Variants in MGAT4C observed in about 807,000 individuals in gnomAD.
The protein encoded by MGAT4C is MGAT4 family member C.
Under a neutral mutation model 40.1 loss-of-function variants are expected in MGAT4C, and 19 were observed. That is an observed-to-expected ratio of 0.47 (90% CI 0.33 to 0.70). MGAT4C has a LOEUF of 0.70. Ranked by LOEUF, MGAT4C falls within the 30% of genes least tolerant of loss-of-function variation. MGAT4C has a pLI of 0.02. For missense variants in MGAT4C, 491 were observed against 563.2 expected (o/e 0.87, Z 1.30); for synonymous variants, 181 against 187.1 (o/e 0.97, Z 0.27).
At chr12:86,126,966 T>C (rs1256552403) in intron 1 of MGAT4C, among the ~76,000 whole-genome samples, 1 of 152,170 alleles carries the variant, frequency 6.6e-6, no homozygotes, top group Non-Finnish European at 1.5e-5. Context: ...AGTAGATTCT[T>C]ACATGGAACA....
In MGAT4C at chr12:85,970,504, T is replaced by C. The variant is rs1000104821; in HGVS notation, c.*8785A>G. 5 of 151,362 alleles carry C rather than the reference T, an allele frequency of 3.3e-5. No homozygotes were observed. Among genetic ancestry groups the C allele is most frequent in the Admixed American group, 3.3e-4 (5 of 15,166 alleles). The allele number at this position is 151,362 out of a possible 1,614,324, so 9.4% of individuals were successfully genotyped here. ...TAACTTAAAACTTGTGAATGTTTAG[T>C]GTTATCCAGCTATAATTCTTCTAAA... On this transcript the variant is annotated 3_prime_UTR_variant, in exon 5 of 5. Coordinates refer to ENST00000611864, the MANE Select transcript of MGAT4C (RefSeq NM_001351288.2).
chr12:86,421,911 C>G (rs1487150631), intron 3 of MGAT4C, among the ~76,000 whole-genome samples: 1 of 152,148 alleles, frequency 6.6e-6, no homozygotes, highest in African/African-American at 2.4e-5. Context: ...GAAGTATAAG[C>G]AGAAATTGTA....
intron 1 of MGAT4C, among the ~76,000 whole-genome samples, chr12:86,826,012 C>T (rs1593242875): frequency 1.3e-5 from 2 of 151,320 alleles, no homozygotes; most frequent in Admixed American, 1.3e-4. Flanking sequence ...GGGGTGACAC[C>T]AGAGTACTAG....
chr12:86,526,638 C>T (rs1958888145), intron 2 of MGAT4C, among the ~76,000 whole-genome samples: 1 of 152,120 alleles, frequency 6.6e-6, no homozygotes, highest in African/African-American at 2.4e-5. Flanking sequence ...GCTAACTGAC[C>T]TCACCTATGG....
At chr12:86,219,422 A>G (rs562418724) in intron 1 of MGAT4C, among the ~76,000 whole-genome samples, 190 of 152,196 alleles carry the variant, frequency 1.2e-3, no homozygotes, top group Middle Eastern at 3.2e-3. Context: ...CATAATCCTG[A>G]GAAGACAATA....
chr12:86,187,840 T>C (rs1888943998), intron 1 of MGAT4C, among the ~76,000 whole-genome samples: 1 of 152,050 alleles, frequency 6.6e-6, no homozygotes, highest in Non-Finnish European at 1.5e-5. Context: ...CTAAAAATAT[T>C]TCATACAAAT....
chr12:86,323,051 C>T (rs1954434711), intron 4 of MGAT4C, among the ~76,000 whole-genome samples: 1 of 151,174 alleles, frequency 6.6e-6, no homozygotes, highest in Non-Finnish European at 1.5e-5. Context: ...AACTCTGCAA[C>T]ACATGAGGTT....
chr12:85,996,354 T>C (rs1886619255), intron 2 of MGAT4C, among the ~76,000 whole-genome samples: 1 of 152,016 alleles, frequency 6.6e-6, no homozygotes, highest in Non-Finnish European at 1.5e-5. Context: ...CACTGGCTAG[T>C]AGATAAAGAA....
At chr12:86,018,176 T>C (rs1889282550) in intron 2 of MGAT4C, among the ~76,000 whole-genome samples, 1 of 152,150 alleles carries the variant, frequency 6.6e-6, no homozygotes, top group South Asian at 2.1e-4. Context: ...AATTATTCTG[T>C]GGCCCTAAGT....
chr12:86,100,322 TAG>T (rs754764404), intron 1 of MGAT4C, among the ~76,000 whole-genome samples: 101 of 151,588 alleles, frequency 6.7e-4, no homozygotes, highest in Non-Finnish European at 1.2e-3. Flanking sequence ...GAATTTGAAG[TAG>T]TAACTTATTT....
chr12:86,424,114 T>A (rs1428300753), intron 3 of MGAT4C, among the ~76,000 whole-genome samples: 2 of 152,146 alleles, frequency 1.3e-5, no homozygotes, highest in Non-Finnish European at 2.9e-5. Flanking sequence ...TTAACCAACA[T>A]ATATAATAAA....
intron 2 of MGAT4C, among the ~76,000 whole-genome samples, chr12:86,638,886 T>G (rs1459730281): frequency 6.6e-6 from 1 of 151,844 alleles, no homozygotes; most frequent in Admixed American, 6.6e-5. Context: ...ATTCATTACA[T>G]GGAATTCAAT....
rs1195494708 is a variant in MGAT4C, at chr12:85,973,008, CAG to C, written c.*6279_*6280del. On this transcript the variant is annotated 3_prime_UTR_variant, in exon 5 of 5. Coordinates refer to ENST00000611864, the MANE Select transcript of MGAT4C (RefSeq NM_001351288.2). ...TGGAACATACTATAGACAAAACTGA[CAG>C]ATTATTATTCAATGAGAAACCTGAC... 2.0e-5 allele frequency: 3 copies of C among 150,782 alleles called. No individual in the cohort carries two copies. The East Asian group carries it at 5.8e-4, about 29-fold the overall frequency. The allele number at this position is 150,782 out of a possible 1,614,324, so 9.3% of individuals were successfully genotyped here. A position where few individuals can be genotyped will look rare whatever the true frequency, so the allele number is the denominator to read the frequency against.
At chr12:86,231,093 G>T (rs1484127018) in intron 1 of MGAT4C, among the ~76,000 whole-genome samples, 3 of 152,008 alleles carry the variant, frequency 2.0e-5, no homozygotes, top group African/African-American at 7.2e-5. Context: ...ATCATCGATG[G>T]TCTGGTAATC....
chr12:86,363,400 A>G (rs999005316), intron 3 of MGAT4C, among the ~76,000 whole-genome samples: 3 of 152,154 alleles, frequency 2.0e-5, no homozygotes, highest in Admixed American at 6.5e-5. Context: ...ACAAATTAGC[A>G]TCTATTTTAA....
chr12:86,099,284 T>C (rs971662177), intron 1 of MGAT4C, among the ~76,000 whole-genome samples: 2 of 151,520 alleles, frequency 1.3e-5, no homozygotes, highest in East Asian at 1.9e-4. Context: ...ATATAGAACT[T>C]TCATCTTTTC....
chr12:86,508,814 G>A (rs1360113917), intron 2 of MGAT4C, among the ~76,000 whole-genome samples: 1 of 149,544 alleles, frequency 6.7e-6, no homozygotes, highest in South Asian at 2.2e-4. Context: ...GGCCAGTGAT[G>A]GTGAGCATTT....
chr12:86,407,943 T>C (rs1956508054), intron 3 of MGAT4C, among the ~76,000 whole-genome samples: 2 of 152,094 alleles, frequency 1.3e-5, no homozygotes, highest in Admixed American at 1.3e-4. Context: ...ACAACTTAAA[T>C]TACTTAGTTA....
At chr12:86,159,090 T>C (rs944989631) in intron 1 of MGAT4C, among the ~76,000 whole-genome samples, 1 of 152,056 alleles carries the variant, frequency 6.6e-6, no homozygotes, top group Non-Finnish European at 1.5e-5. Flanking sequence ...GTGGTGAGAG[T>C]AGGCATCCTT....
Sources: allele counts gnomAD v4.1 joint callset (sites outside exome capture counted in the v4.1 genomes callset), GRCh38; gene constraint gnomAD v4.1.1; transcripts MANE v1.5; gene names NCBI Gene and HGNC (gene_info 2026-07-23, HGNC 2026-07-21).